Variants in MERTK observed in about 807,000 individuals in gnomAD.
MERTK encodes the protein tyrosine-protein kinase Mer.
A neutral mutation model predicts 99.3 loss-of-function variants in MERTK; 69 were observed. The ratio of observed to expected loss-of-function variants is 0.70; its 90% CI spans 0.57 to 0.85. The LOEUF is 0.85. Ranked by LOEUF, MERTK falls within the 40% of genes least tolerant of loss-of-function variation. The pLI is 0.00. For synonymous variants in MERTK, 426 were observed against 467.6 expected (o/e 0.91, Z 1.15); for missense variants, 1,125 against 1,249.4 (o/e 0.90, Z 1.50).
chr2:111,936,520 C>T (rs1188288554), intron 2 of MERTK, among the ~76,000 whole-genome samples: 1 of 152,138 alleles, frequency 6.6e-6, no homozygotes, highest in Non-Finnish European at 1.5e-5. Context: ...CCCTCTTGAG[C>T]TATGCTTGTT....
intron 2 of MERTK, among the ~76,000 whole-genome samples, chr2:111,931,992 TG>T (rs1296542982): frequency 1.3e-5 from 2 of 152,218 alleles, no homozygotes; most frequent in Non-Finnish European, 2.9e-5. Context: ...TTTCTTGTTT[TG>T]GACCCATCTC....
chr2:111,973,639 C>T (rs1360205051), intron 6 of MERTK, among the ~76,000 whole-genome samples: 1 of 152,160 alleles, frequency 6.6e-6, no homozygotes, highest in East Asian at 1.9e-4. Flanking sequence ...GGATTTTTCC[C>T]AAATTGCTCT....
chr2:111,932,882 G>A (rs945296522), intron 2 of MERTK, among the ~76,000 whole-genome samples: 2 of 152,168 alleles, frequency 1.3e-5, no homozygotes, highest in South Asian at 2.1e-4. Flanking sequence ...CTCTCTGGCC[G>A]AAGGGGACGT....
intron 15 of MERTK, 75 bp from the exon 16 acceptor site, chr2:112,019,338 C>A (rs773610529): frequency 9.4e-7 from 1 of 1,059,738 alleles, no homozygotes; most frequent in Non-Finnish European, 1.5e-6. Flanking sequence ...GCATCCTTTC[C>A]CCCCCCGGCA....
At chr2:111,903,572 C>T (rs1211202616) in intron 1 of MERTK, among the ~76,000 whole-genome samples, 2 of 152,190 alleles carry the variant, frequency 1.3e-5, no homozygotes, top group African/African-American at 2.4e-5. Flanking sequence ...TGGCCCTTGC[C>T]GTTAGTTTAA....
chr2:111,964,043 C>CTTTTTTTTTTTTTTTTTTTTTTT lies in MERTK; in HGVS notation c.758-1136_758-1135insTTTTTTTTTTTTTTTTTTTTTTT, dbSNP rs56693776. Among the ~76,000 whole-genome samples the CTTTTTTTTTTTTTTTTTTTTTTT allele has an allele frequency of 1.9e-4, 20 of 103,854 alleles. 2 individuals carry two copies. Among genetic ancestry groups the CTTTTTTTTTTTTTTTTTTTTTTT allele is most frequent in the Middle Eastern group, 6.5e-3 (1 of 154 alleles). The allele number at this position is 103,854 out of a possible 152,430, so 68.1% of individuals were successfully genotyped here. On this transcript the variant is annotated intron_variant, in intron 4 of 18. Transcript: ENST00000295408. ...GTTTCTCCACTCAAAAATTTTCTTTCTTTTTTTTTTTTGCTCTTTCCATAA... is the reference window on the plus strand; with the variant it reads ...GTTTCTCCACTCAAAAATTTTCTTTCTTTTTTTTTTTTTTTTTTTTTTTTTTTTTTTTTTTGCTCTTTCCATAA...
chr2:112,019,221 G>GT (rs1225803494), intron 15 of MERTK, 192 bp from the exon 16 acceptor site: 1 of 722,442 alleles, frequency 1.4e-6, no homozygotes, highest in Non-Finnish European at 2.5e-6. Flanking sequence ...TTGCCAAGAA[G>GT]TTTAAGGTTT....
rs567246607 is a variant in MERTK at position 111,923,832 on chromosome 2, G to A, written c.62-5288G>A. Among the ~76,000 whole-genome samples, 8 of 152,246 alleles carry A rather than the reference G, an allele frequency of 5.3e-5. 1 individual carries two copies. The highest frequency in any genetic ancestry group is 7.2e-5 in the African/African-American group (3 of 41,540). ...GGGGAAAAACAGGGGGAAAAGATAC[G>A]TTATACAACCAAAGTAATAGAAACA... On this transcript the variant is annotated intron_variant, in intron 1 of 18. Transcript: ENST00000295408.
chr2:112,010,103 A>C, intron 15 of MERTK, 37 bp downstream of exon 15: 11 of 1,434,194 alleles, frequency 7.7e-6, no homozygotes, highest in Non-Finnish European at 1.1e-5. Context: ...AACACTTCTC[A>C]GGGCTTATGT....
Position 111,982,862 on chromosome 2 carries a change from A to T in MERTK, c.1165A>T (p.Asn389Tyr), listed in dbSNP as rs745396071. 2.5e-6 allele frequency: 4 copies of T among 1,614,090 alleles called. No homozygotes were observed. The South Asian group carries it at 4.4e-5, about 18-fold the overall frequency. Reference sequence around the variant, plus strand: ...TGTAGCCCCATCAGTAGCACCTTTAAATGTCACTGTGTTTCTGAATGAATC... The same window carrying T: ...TGTAGCCCCATCAGTAGCACCTTTATATGTCACTGTGTTTCTGAATGAATC... Reference protein sequence around the residue: ...TEGAPSVAPLNVTVFLNESSD... With the variant: ...TEGAPSVAPLYVTVFLNESSD... The change falls in exon 8 of 19, where the codon AAT becomes TAT. Residue 389 changes from asparagine (N) to tyrosine (Y), a missense_variant. By Grantham distance (143) the Asn-to-Tyr change is moderately radical. Transcript: ENST00000295408.
intron 1 of MERTK, among the ~76,000 whole-genome samples, chr2:111,899,265 G>T (rs1007666265): frequency 6.6e-6 from 1 of 152,202 alleles, no homozygotes; most frequent in Non-Finnish European, 1.5e-5. Context: ...CGGGGCGAAC[G>T]AACGGGCTGC....
chr2:111,898,756 G>A lies in MERTK; in HGVS notation c.21G>A (p.Pro7=), dbSNP rs752112582. 2.5e-6 allele frequency: 4 copies of A among 1,605,438 alleles called. No individual in the cohort carries two copies. The highest frequency in any genetic ancestry group is 2.2e-5 in the East Asian group (1 of 44,586). Residue 7 remains proline (P), a synonymous_variant, in exon 1 of 19, where the codon CCG becomes CCA. Coordinates refer to ENST00000295408, the MANE Select transcript of MERTK (RefSeq NM_006343.3). MGPAPL[P]LLLGLFLPAL... is the part of the protein sequence containing the mutation. ...CCGGGATGGGGCCGGCCCCGCTGCC[G>A]CTGCTGCTGGGCCTCTTCCTCCCCG... is the stretch of plus-strand genomic sequence containing the variant.
chr2:111,903,625 G>A (rs1684084863), intron 1 of MERTK, among the ~76,000 whole-genome samples: 1 of 152,168 alleles, frequency 6.6e-6, no homozygotes, highest in African/African-American at 2.4e-5. Context: ...ATGTTTCTCA[G>A]CAGGAGATTA....
At chr2:111,968,572 T>A (rs539675734) in intron 6 of MERTK, among the ~76,000 whole-genome samples, 1 of 151,602 alleles carries the variant, frequency 6.6e-6, no homozygotes, top group East Asian at 2.0e-4. Context: ...CCAGGCTGGA[T>A]GCCCAGGCTG....
chr2:111,921,162 CT>C (rs1684450808), intron 1 of MERTK, among the ~76,000 whole-genome samples: 1 of 152,058 alleles, frequency 6.6e-6, no homozygotes, highest in East Asian at 1.9e-4. Context: ...GGTGGGGGCA[CT>C]GGTCTAGGTT....
At chr2:111,916,453 G>A (rs1320704589) in intron 1 of MERTK, among the ~76,000 whole-genome samples, 8 of 151,798 alleles carry the variant, frequency 5.3e-5, no homozygotes, top group African/African-American at 9.7e-5. Flanking sequence ...TTAGTATACC[G>A]ATTCTTTCTT....
At chr2:111,903,524 C>A (rs1463225155) in intron 1 of MERTK, among the ~76,000 whole-genome samples, 4 of 152,232 alleles carry the variant, frequency 2.6e-5, no homozygotes, top group African/African-American at 9.6e-5. Context: ...TCTAACAACT[C>A]CTTGCTCAGG....
At chr2:112,015,500 A>C (rs1435758103) in intron 15 of MERTK, among the ~76,000 whole-genome samples, 1 of 152,064 alleles carries the variant, frequency 6.6e-6, no homozygotes, top group East Asian at 1.9e-4. Flanking sequence ...TCTGTTGTTC[A>C]AGTATTTTGT....
intron 4 of MERTK, among the ~76,000 whole-genome samples, chr2:111,953,240 T>C (rs554316322): frequency 2.0e-5 from 3 of 152,290 alleles, no homozygotes; most frequent in African/African-American, 7.2e-5. Context: ...GTTCTAGAGT[T>C]TTTAGAGTAG....
Sources: gnomAD v4.1 joint callset for allele counts (sites outside exome capture counted in the v4.1 genomes callset) on GRCh38, gnomAD v4.1.1 for gene constraint, MANE v1.5 for transcripts, NCBI Gene and HGNC (gene_info 2026-07-23, HGNC 2026-07-21) for gene names.